ANKRD42: variants seen among roughly 807,000 people sequenced by gnomAD.
ANKRD42 encodes the protein ankyrin repeat domain 42, also known as ankyrin repeat domain-containing protein 42.
ANKRD42 carries 43 observed loss-of-function variants against 51.5 expected under a neutral mutation model. The ratio of observed to expected loss-of-function variants is 0.83; its 90% CI spans 0.65 to 1.08. ANKRD42 has a LOEUF of 1.08. Among genes scored for constraint, ANKRD42 ranks in the 50% least tolerant of loss-of-function variants. The pLI is 0.00. For synonymous variants in ANKRD42, 203 were observed against 213.0 expected (o/e 0.95, Z 0.41); for missense variants, 608 against 629.3 (o/e 0.97, Z 0.36).
At position 83,224,930 on chromosome 11, in the gene ANKRD42, T is replaced by A; in HGVS notation, c.662T>A (p.Val221Asp). The A allele has an allele frequency of 6.2e-7, 1 of 1,613,352 alleles. No individual in the cohort carries two copies. The highest frequency in any genetic ancestry group is 8.5e-7 in the Non-Finnish European group (1 of 1,179,434). The change falls in exon 6 of 11, where the codon GTT becomes GAT. Residue 221 changes from valine (V) to aspartate (D), a missense_variant. Val to Asp is a radical substitution (Grantham distance 152). Transcript: ENST00000533342. ...AGTAGAATGAGCAGTGCGACGCAAG[T>A]TTTAAAAGCTTTCAATGATAATGGA... is the stretch of plus-strand genomic sequence containing the variant. ...LVSRMSSATQVLKAFNDNGEN... is the reference protein window; with the variant it reads ...LVSRMSSATQDLKAFNDNGEN...
intron 1 of ANKRD42, among the ~76,000 whole-genome samples, chr11:83,195,610 G>C (rs1032079039): frequency 6.6e-6 from 1 of 152,104 alleles, no homozygotes; most frequent in African/African-American, 2.4e-5. Flanking sequence ...AGTGTTTGCT[G>C]TCTCAACTAA....
chr11:83,213,709 C>A, intron 5 of ANKRD42: 1 of 297,570 alleles, frequency 3.4e-6, no homozygotes, highest in Non-Finnish European at 5.4e-6. Flanking sequence ...AAATCTTTTG[C>A]CTATTGGCTG....
chr11:83,253,631 TGTATTTA>T (rs2135565879), downstream of ANKRD42, among the ~76,000 whole-genome samples: 1 of 152,354 alleles, frequency 6.6e-6, no homozygotes, highest in South Asian at 2.1e-4. Flanking sequence ...TTATGATTCA[TGTATTTA>T]GTATCTTAAT....
intron 2 of ANKRD42, among the ~76,000 whole-genome samples, chr11:83,204,922 T>C (rs1373136455): frequency 1.3e-5 from 2 of 152,154 alleles, no homozygotes; most frequent in Non-Finnish European, 2.9e-5. Context: ...TTCAACATCA[T>C]TAGCCATTAG....
In ANKRD42 at chr11:83,227,809, G is replaced by A; in HGVS notation, c.850G>A (p.Val284Met). The stretch of plus-strand genomic sequence containing the variant: ...TGATTTGGGGATGCTTAAGAAATTA[G>A]TGGAAGATGGAGTAATCAATATTAA... Reference protein sequence around the residue: ...KGDLGMLKKLVEDGVININER... With the variant: ...KGDLGMLKKLMEDGVININER... The change falls in exon 7 of 11, where the codon GTG (valine) becomes ATG (methionine). Residue 284 changes from valine (V) to methionine (M), a missense_variant. Transcript: ENST00000533342. The A allele has an allele frequency of 6.2e-6, 10 of 1,613,588 alleles. No homozygotes were observed. The highest frequency in any genetic ancestry group is 8.5e-6 in the Non-Finnish European group (10 of 1,179,808).
Sources: gnomAD v4.1 joint callset for allele counts (sites outside exome capture counted in the v4.1 genomes callset) on GRCh38, gnomAD v4.1.1 for gene constraint, MANE v1.5 for transcripts, NCBI Gene and HGNC (gene_info 2026-07-23, HGNC 2026-07-21) for gene names.